The following DLG5 variants were observed in gnomAD, a reference collection of about 807,000 sequenced individuals.
DLG5 encodes the protein disks large homolog 5.
DLG5 carries 48 observed loss-of-function variants against 189.8 expected under a neutral mutation model. The ratio of observed to expected loss-of-function variants is 0.25; its 90% CI spans 0.20 to 0.32. The LOEUF (loss-of-function observed/expected upper bound fraction) is 0.32, where lower values mean the gene tolerates loss of function less well. Among genes scored for constraint, DLG5 ranks in the 10% least tolerant of loss-of-function variants. The pLI is 1.00. For synonymous variants in DLG5, 1,016 were observed against 1,054.1 expected (o/e 0.96, Z 0.70); for missense variants, 2,160 against 2,544.7 (o/e 0.85, Z 3.25).
At chr10:77,820,126 A>C in intron 15 of DLG5, 108 bp from the exon 16 acceptor site, 1 of 1,487,716 alleles carries the variant, frequency 6.7e-7, no homozygotes, top group Non-Finnish European at 9.0e-7. Flanking sequence ...CGGGCAGATC[A>C]CCTAAGGTCA....
rs969692522 is a variant in DLG5, at chr10:77,821,624, A to C, written c.2860T>G (p.Ser954Ala). ...GGTWPKAMLS[S>A]TAVPEKLSVY... is the part of the protein sequence containing the mutation. ...GAGAGCTTCTCAGGCACTGCCGTGGAGCTGAGCATGGCCTTGGGCCAGGTC... is the reference window on the plus strand; with the variant it reads ...GAGAGCTTCTCAGGCACTGCCGTGGCGCTGAGCATGGCCTTGGGCCAGGTC... The change falls in exon 15 of 32, where the codon TCC (serine) becomes GCC (alanine). Residue 954 changes from serine (S) to alanine (A), a missense_variant. Ser to Ala is a moderately conservative substitution (Grantham distance 99, BLOSUM62 1). Transcript: ENST00000372391. 5.6e-6 allele frequency: 9 copies of C among 1,613,086 alleles called. No individual in the cohort carries two copies. Among genetic ancestry groups the C allele is most frequent in the Admixed American group, 1.7e-5 (1 of 60,016 alleles).
At chr10:77,834,400 T>A (rs973017356) in intron 8 of DLG5, among the ~76,000 whole-genome samples, 1 of 152,060 alleles carries the variant, frequency 6.6e-6, no homozygotes, top group Admixed American at 6.6e-5. Context: ...CTCCTCTGCA[T>A]GAAGCACCCC....
chr10:77,908,419 C>T (rs1846126744), intron 1 of DLG5, among the ~76,000 whole-genome samples: 1 of 152,116 alleles, frequency 6.6e-6, no homozygotes, highest in African/African-American at 2.4e-5. Context: ...AATGCCAACC[C>T]AACCCATTCC....
the DLG5 span, among the ~76,000 whole-genome samples, chr10:77,940,690 G>C: frequency 2.0e-5 from 3 of 152,118 alleles, no homozygotes; most frequent in Admixed American, 6.5e-5. Context: ...CTCCTCCAGA[G>C]GTTTTTAATG....
At position 77,796,289 on chromosome 10, in the gene DLG5, G is replaced by A; in HGVS notation, c.5309-101C>T. ...CTGCTCAGCAGCTGTCAGTAACCCAGTCCTGCCATGCATGAATCTGACCCA... is the reference window on the plus strand; with the variant it reads ...CTGCTCAGCAGCTGTCAGTAACCCAATCCTGCCATGCATGAATCTGACCCA... On this transcript the variant is annotated intron_variant, in intron 28 of 31. Transcript: ENST00000372391. The surrounding 1 kb of genome is among the most constrained non-coding windows in gnomAD (Gnocchi z 5.2). The A allele has an allele frequency of 6.3e-7, 1 of 1,596,948 alleles. No homozygotes were observed. The highest frequency in any genetic ancestry group is 8.6e-7 in the Non-Finnish European group (1 of 1,168,980).
intron 2 of DLG5, among the ~76,000 whole-genome samples, chr10:77,864,603 TG>T (rs35339586): frequency 2.6e-5 from 4 of 152,224 alleles, no homozygotes; most frequent in African/African-American, 9.6e-5. Context: ...TCAGAAACCC[TG>T]GGAGTAAGTC....
intron 20 of DLG5, chr10:77,816,018 G>A (rs1603641237): frequency 2.3e-6 from 1 of 431,942 alleles, no homozygotes; most frequent in East Asian, 7.1e-5. Context: ...AAAAAGCTAG[G>A]CTGCACATTT....
chr10:77,922,102 C>A (rs1026585322), intron 1 of DLG5, among the ~76,000 whole-genome samples: 2 of 152,160 alleles, frequency 1.3e-5, no homozygotes, highest in Admixed American at 6.5e-5. Flanking sequence ...TCCCATTCCC[C>A]CAACAAGGCG....
In DLG5 at chr10:77,794,033, C is replaced by T; in HGVS notation, c.5631G>A (p.Glu1877=). The change falls in exon 31 of 32, where the codon GAG becomes GAA. Residue 1877 remains glutamate (E), a synonymous_variant. Transcript: ENST00000372391. ...CTGTGAAGTACCTGCTGTACTCCTG[C>T]TCAAGCTTCTGCGCCGCCTCAAACT... ...KEQFEAAQKL[E]QEYSRYFTGV... The T allele has an allele frequency of 6.2e-7, 1 of 1,614,186 alleles. No individual in the cohort carries two copies. The highest frequency in any genetic ancestry group is 8.5e-7 in the Non-Finnish European group (1 of 1,180,034).
At position 77,796,903 on chromosome 10, in the gene DLG5, T is replaced by G. The variant is rs1001250623; in HGVS notation, c.5165-309A>C. Among the ~76,000 whole-genome samples the G allele has an allele frequency of 6.6e-6, 1 of 152,168 alleles. No homozygotes were observed. Among genetic ancestry groups the G allele is most frequent in the Non-Finnish European group, 1.5e-5 (1 of 68,038 alleles). ...TTCCCCTGCCCCATCTCCATTCTCCTCTGCTCTCTGGCAAGGCAGCCTCTG... is the reference window on the plus strand; with the variant it reads ...TTCCCCTGCCCCATCTCCATTCTCCGCTGCTCTCTGGCAAGGCAGCCTCTG... On this transcript the variant is annotated intron_variant, in intron 27 of 31. Transcript: ENST00000372391. This position sits in a 1 kb window ranked among gnomAD's most constrained non-coding sequence, Gnocchi z 5.2.
At chr10:77,824,576 C>A (rs747837582) in intron 13 of DLG5, 100 bp from the exon 14 acceptor site, 3 of 927,602 alleles carry the variant, frequency 3.2e-6, no homozygotes, top group African/African-American at 1.6e-5. Flanking sequence ...AGACAGTCAC[C>A]AAATGCAAGG....
At chr10:77,792,981 G>T (rs1358193475) in intron 31 of DLG5, 1 of 177,904 alleles carries the variant, frequency 5.6e-6, no homozygotes, top group Non-Finnish European at 1.2e-5. Context: ...TGACAAAGGG[G>T]TCTATAGACA....
intron 1 of DLG5, among the ~76,000 whole-genome samples, chr10:77,902,582 C>A (rs116816307): frequency 6.6e-6 from 1 of 152,270 alleles, no homozygotes; most frequent in East Asian, 1.9e-4. Context: ...CATTGAGGGC[C>A]GGGCGCGGTG....
At chr10:77,794,628 G>A (rs534343518) in intron 30 of DLG5, among the ~76,000 whole-genome samples, 5 of 152,352 alleles carry the variant, frequency 3.3e-5, no homozygotes, top group African/African-American at 1.2e-4. Context: ...CCAAATGGCG[G>A]AGGGGCGCGA....
intron 1 of DLG5, among the ~76,000 whole-genome samples, chr10:77,909,822 T>C (rs1846167006): frequency 6.6e-6 from 1 of 152,108 alleles, no homozygotes; most frequent in Non-Finnish European, 1.5e-5. Context: ...TTTTCTTGGA[T>C]CCAGCTCCTA....
intron 1 of DLG5, among the ~76,000 whole-genome samples, chr10:77,877,034 T>C (rs1163713367): frequency 6.6e-6 from 1 of 152,070 alleles, no homozygotes; most frequent in Non-Finnish European, 1.5e-5. Flanking sequence ...GGCTTTTGTG[T>C]CCATTCCTTA....
chr10:77,867,628 C>T (rs1369023988), intron 2 of DLG5, among the ~76,000 whole-genome samples: 4 of 152,220 alleles, frequency 2.6e-5, no homozygotes, highest in Admixed American at 1.3e-4. Flanking sequence ...GAGCCCTAAA[C>T]AGGATGAGGG....
intron 20 of DLG5, among the ~76,000 whole-genome samples, 195 bp from the exon 21 acceptor site, chr10:77,812,572 AC>A (rs1158117705): frequency 1.3e-5 from 2 of 152,192 alleles, no homozygotes; most frequent in Admixed American, 1.3e-4. Flanking sequence ...CCACAGCCTC[AC>A]GCAACACGAG....
At chr10:77,923,436 T>C (rs1329781516) in intron 1 of DLG5, among the ~76,000 whole-genome samples, 4 of 152,202 alleles carry the variant, frequency 2.6e-5, no homozygotes, top group Admixed American at 6.5e-5. Context: ...AGTGGAGACC[T>C]ACAACACAGC....
Sources: gnomAD v4.1 joint callset for allele counts (sites outside exome capture counted in the v4.1 genomes callset) on GRCh38, gnomAD v4.1.1 for gene constraint, Gnocchi (gnomAD v3.1) non-coding constraint, MANE v1.5 for transcripts, NCBI Gene and HGNC (gene_info 2026-07-23, HGNC 2026-07-21) for gene names.